The following WDR7 variants were observed in gnomAD, a reference collection of about 807,000 sequenced individuals.
The protein encoded by WDR7 is WD repeat domain 7.
WDR7 carries 46 observed loss-of-function variants against 169.4 expected under a neutral mutation model. The observed-to-expected ratio is 0.27, with a 90% CI of 0.21 to 0.35. The LOEUF (loss-of-function observed/expected upper bound fraction) is 0.35. WDR7 is among the 10% of genes least tolerant of loss of function. The pLI, the probability that WDR7 is intolerant of heterozygous loss-of-function variation, is 1.00. For synonymous variants in WDR7, 612 were observed against 666.8 expected (o/e 0.92, Z 1.27); for missense variants, 1,534 against 1,859.3 (o/e 0.83, Z 3.22).
intron 19 of WDR7, among the ~76,000 whole-genome samples, chr18:56,810,996 A>G (rs2044859200): frequency 1.3e-5 from 2 of 152,234 alleles, no homozygotes; most frequent in South Asian, 2.1e-4. Flanking sequence ...TTCTGTCTCC[A>G]TAGGTTTGCT....
At chr18:56,734,848 A>G (rs2026665272) in intron 14 of WDR7, among the ~76,000 whole-genome samples, 1 of 152,094 alleles carries the variant, frequency 6.6e-6, no homozygotes, top group African/African-American at 2.4e-5. Context: ...CCAATACTCA[A>G]TGTAGTATAA....
chr18:56,768,589 G>C (rs931936433), intron 16 of WDR7, among the ~76,000 whole-genome samples: 4 of 152,184 alleles, frequency 2.6e-5, no homozygotes, highest in Admixed American at 2.6e-4. Context: ...AGGGTTGGAA[G>C]TGGTAAGAGA....
At chr18:56,904,438 G>A (rs1191391191) in intron 21 of WDR7, among the ~76,000 whole-genome samples, 1 of 152,096 alleles carries the variant, frequency 6.6e-6, no homozygotes, top group Non-Finnish European at 1.5e-5. Flanking sequence ...AATTAGAAGT[G>A]TTCTGCATTT....
chr18:56,887,810 A>G (rs1012072141), intron 21 of WDR7, among the ~76,000 whole-genome samples: 6 of 152,126 alleles, frequency 3.9e-5, no homozygotes, highest in African/African-American at 1.4e-4. Context: ...CTGTTTGAAA[A>G]CAATTAGATG....
chr18:57,024,133 T>C (rs2145948199), intron 27 of WDR7, among the ~76,000 whole-genome samples: 1 of 152,296 alleles, frequency 6.6e-6, no homozygotes, highest in East Asian at 1.9e-4. Context: ...TTCAGGGGTT[T>C]TTTGCTTTCC....
At chr18:56,667,195 CAGTTTGGAAAGCAAT>C (rs1276588750) in intron 1 of WDR7, among the ~76,000 whole-genome samples, 5 of 152,140 alleles carry the variant, frequency 3.3e-5, no homozygotes, top group Non-Finnish European at 7.4e-5. Flanking sequence ...CCTTACCACC[CAGTTTGGAAAGCAAT>C]AGTCTTCTTG....
intron 27 of WDR7, among the ~76,000 whole-genome samples, chr18:57,024,949 G>A (rs62100200): frequency 0.017 from 1,949 of 112,586 alleles, 145 homozygotes; most frequent in Non-Finnish European, 0.029. Flanking sequence ...CTATTCTCAG[G>A]CAGGAAGGCT....
downstream of WDR7, chr18:57,032,263 G>A (rs984753576): frequency 2.0e-5 from 3 of 152,140 alleles, no homozygotes; most frequent in African/African-American, 4.8e-5. Context: ...TTCCAAATAT[G>A]CATCTATCGA....
In WDR7 at chr18:56,812,293, A is replaced by G. The variant is rs74806819; in HGVS notation, c.3191-3738A>G. On this transcript the variant is annotated intron_variant, in intron 19 of 27. Coordinates refer to ENST00000254442, the MANE Select transcript of WDR7 (RefSeq NM_015285.3). ...TTGTTCATTACTAACATATAGAAATAGAATCGATGTTTTCCATGTTTTTTT... is the reference window on the plus strand; with the variant it reads ...TTGTTCATTACTAACATATAGAAATGGAATCGATGTTTTCCATGTTTTTTT... 7.6e-3 allele frequency among the ~76,000 whole-genome samples: 1,153 copies of G among 152,366 alleles called. 15 individuals are homozygous for G. The highest frequency in any genetic ancestry group is 0.027 in the African/African-American group (1,110 of 41,598).
At chr18:56,833,445 A>G (rs149732363) in intron 20 of WDR7, among the ~76,000 whole-genome samples, 72 of 152,292 alleles carry the variant, frequency 4.7e-4, no homozygotes, top group African/African-American at 1.7e-3. Flanking sequence ...TGTTCTGCAC[A>G]TGTATCCCAG....
intron 21 of WDR7, among the ~76,000 whole-genome samples, chr18:56,905,553 C>A (rs753616896): frequency 4.4e-4 from 67 of 151,870 alleles, no homozygotes; most frequent in Non-Finnish European, 8.4e-4. Flanking sequence ...TGAGAACTTA[C>A]AATTCAAGGA....
intron 21 of WDR7, among the ~76,000 whole-genome samples, chr18:56,886,998 A>C (rs2046205679): frequency 6.6e-6 from 1 of 152,184 alleles, no homozygotes; most frequent in African/African-American, 2.4e-5. Context: ...AGAACTAAGA[A>C]ATGAGATAGC....
intron 20 of WDR7, among the ~76,000 whole-genome samples, chr18:56,841,036 CA>C: frequency 6.7e-6 from 1 of 150,142 alleles, no homozygotes; most frequent in South Asian, 2.1e-4. Flanking sequence ...ACTAAAAATA[CA>C]AAAAAATTAG....
intron 26 of WDR7, among the ~76,000 whole-genome samples, chr18:56,996,885 T>C (rs544487817): frequency 6.6e-6 from 1 of 152,346 alleles, no homozygotes; most frequent in East Asian, 1.9e-4. Flanking sequence ...AATGCTTTGC[T>C]AATGTTTCAC....
chr18:56,688,030 T>C (rs538863322), intron 7 of WDR7, among the ~76,000 whole-genome samples: 5 of 152,208 alleles, frequency 3.3e-5, no homozygotes, highest in Admixed American at 6.5e-5. Flanking sequence ...GGGGCCCTGT[T>C]AGAGACTGCT....
intron 21 of WDR7, among the ~76,000 whole-genome samples, chr18:56,908,328 C>A (rs1410125175): frequency 6.6e-6 from 1 of 152,174 alleles, no homozygotes; most frequent in African/African-American, 2.4e-5. Context: ...AAATTAATTT[C>A]TGCCATCCTT....
At chr18:56,772,640 T>G (rs2044182270) in intron 16 of WDR7, among the ~76,000 whole-genome samples, 1 of 151,976 alleles carries the variant, frequency 6.6e-6, no homozygotes, top group Non-Finnish European at 1.5e-5. Flanking sequence ...TCCATAGACA[T>G]AGAGATATTT....
chr18:56,721,888 A>G (rs911429649), intron 13 of WDR7, among the ~76,000 whole-genome samples: 1 of 152,224 alleles, frequency 6.6e-6, no homozygotes, highest in Non-Finnish European at 1.5e-5. Context: ...ATGTATAATT[A>G]TTAGATGTTC....
chr18:56,869,861 T>C (rs1286856912), intron 20 of WDR7, among the ~76,000 whole-genome samples: 1 of 152,194 alleles, frequency 6.6e-6, no homozygotes, highest in African/African-American at 2.4e-5. Context: ...CTCTAAGTTA[T>C]GCCAACAAAT....
Sources: allele counts gnomAD v4.1 joint callset (sites outside exome capture counted in the v4.1 genomes callset), GRCh38; gene constraint gnomAD v4.1.1; transcripts MANE v1.5; gene names NCBI Gene and HGNC (gene_info 2026-07-23, HGNC 2026-07-21).